RNF43: variants seen among roughly 807,000 people sequenced by gnomAD.
RNF43 encodes ring finger protein 43.
A neutral mutation model predicts 78.4 loss-of-function variants in RNF43; 37 were observed. The ratio of observed to expected loss-of-function variants is 0.47; its 90% CI spans 0.36 to 0.62. The LOEUF is 0.62. Ranked by LOEUF, RNF43 falls within the 20% of genes least tolerant of loss-of-function variation. RNF43 has a pLI of 0.00. For missense variants in RNF43, 774 were observed against 1,007.9 expected, an observed-to-expected ratio of 0.77 and a Z score of 3.14; for synonymous variants, 347 against 395.0, an observed-to-expected ratio of 0.88 and a Z score of 1.44.
At chr17:58,411,126 G>C (rs1189744663) in intron 2 of RNF43, among the ~76,000 whole-genome samples, 2 of 152,146 alleles carry the variant, frequency 1.3e-5, no homozygotes, top group African/African-American at 4.8e-5. Context: ...GTTATTATGA[G>C]AATTCAGTGA....
rs575369309 is a variant in RNF43, at chr17:58,354,395, C to T, written c.*548G>A. On this transcript the variant is annotated 3_prime_UTR_variant, in exon 10 of 10. Transcript: ENST00000407977. The stretch of plus-strand genomic sequence containing the variant: ...TAGTGCTCAGGGCTCACCTATGCTA[C>T]TGGTCCTTTTGGCAAAAAAGGAAAA... 2 of 228,536 alleles carry T rather than the reference C, an allele frequency of 8.8e-6. No homozygotes were observed. The highest frequency in any genetic ancestry group is 1.8e-5 in the Non-Finnish European group (2 of 113,252). The allele number at this position is 228,536 out of a possible 1,614,324, so 14.2% of individuals were successfully genotyped here. A position where few individuals can be genotyped will look rare whatever the true frequency, so the allele number is the denominator to read the frequency against.
Position 58,360,499 on chromosome 17 carries a change from C to G in RNF43, c.850-248G>C, listed in dbSNP as rs1567875273. On this transcript the variant is annotated intron_variant, in intron 7 of 9. Transcript: ENST00000407977. This position sits in a 1 kb window ranked among gnomAD's most constrained non-coding sequence, Gnocchi z 4.3. ...GTAAAATGAAGATAAAAAAATGAAT[C>G]TAACCCCACCCTTCATTGCCATGGG... Among the ~76,000 whole-genome samples the G allele has an allele frequency of 6.6e-6, 1 of 152,234 alleles. No homozygotes were observed. The highest frequency in any genetic ancestry group is 1.5e-5 in the Non-Finnish European group (1 of 68,044).
At chr17:58,377,576 G>T (rs554557329) in intron 2 of RNF43, among the ~76,000 whole-genome samples, 5 of 152,052 alleles carry the variant, frequency 3.3e-5, no homozygotes, top group African/African-American at 1.2e-4. Context: ...CTTAATGCTG[G>T]TCTCCCCTTA....
chr17:58,417,246 T>A lies in RNF43; in HGVS notation c.-615A>T, dbSNP rs1974145515. The A allele has an allele frequency of 6.6e-6, 1 of 152,228 alleles. No individual in the cohort carries two copies. The highest frequency in any genetic ancestry group is 6.5e-5 in the Admixed American group (1 of 15,276). 9.4% of individuals were successfully genotyped at this position (152,228 alleles called of 1,614,324 possible). ...TCAAAGGCAGAAATTTACTCCGGGATGAGAGATGCTGTCCCCTAGAACTAA... is the reference window on the plus strand; with the variant it reads ...TCAAAGGCAGAAATTTACTCCGGGAAGAGAGATGCTGTCCCCTAGAACTAA... On this transcript the variant is annotated 5_prime_UTR_variant, in exon 1 of 10. Transcript: ENST00000407977.
intron 2 of RNF43, among the ~76,000 whole-genome samples, chr17:58,414,420 A>G (rs546880014): frequency 5.2e-5 from 8 of 152,384 alleles, no homozygotes; most frequent in African/African-American, 1.9e-4. Flanking sequence ...TACAGCAAGA[A>G]GTGTTCTTTT....
chr17:58,370,205 A>C (rs1289252378), intron 3 of RNF43, among the ~76,000 whole-genome samples: 6 of 151,174 alleles, frequency 4.0e-5, no homozygotes, highest in Non-Finnish European at 8.8e-5. Flanking sequence ...AGTAGCTGGG[A>C]TTACAGGCAT....
At chr17:58,402,816 A>T (rs1183361316) in intron 2 of RNF43, 1 of 152,172 alleles carries the variant, frequency 6.6e-6, no homozygotes, top group Non-Finnish European at 1.5e-5. Context: ...ACCTGCCAAG[A>T]CCTGAGTTCA....
chr17:58,406,103 C>A (rs1186348131), intron 2 of RNF43, among the ~76,000 whole-genome samples: 1 of 152,124 alleles, frequency 6.6e-6, no homozygotes, highest in African/African-American at 2.4e-5. Context: ...ACACATGCAC[C>A]ACGTAAAGTA....
At chr17:58,377,124 G>T (rs1973220698) in intron 2 of RNF43, among the ~76,000 whole-genome samples, 1 of 152,010 alleles carries the variant, frequency 6.6e-6, no homozygotes, top group Non-Finnish European at 1.5e-5. Flanking sequence ...TCATTTACCT[G>T]TGTGACCTTG....
At chr17:58,371,834 G>C (rs1394536016) in intron 2 of RNF43, among the ~76,000 whole-genome samples, 1 of 152,220 alleles carries the variant, frequency 6.6e-6, no homozygotes, top group Non-Finnish European at 1.5e-5. Flanking sequence ...ATGACTAAAG[G>C]AGAACGTGCT....
At chr17:58,383,076 A>G (rs1158554074) in intron 2 of RNF43, among the ~76,000 whole-genome samples, 1 of 152,212 alleles carries the variant, frequency 6.6e-6, no homozygotes, top group Non-Finnish European at 1.5e-5. Flanking sequence ...TCTGCAGTGA[A>G]CTTCAGTCCC....
intron 3 of RNF43, among the ~76,000 whole-genome samples, chr17:58,366,881 A>G (rs992411643): frequency 2.6e-5 from 4 of 152,284 alleles, no homozygotes; most frequent in Admixed American, 2.6e-4. Flanking sequence ...GCTGGAGTGC[A>G]GGGGCGCAAT....
intron 2 of RNF43, among the ~76,000 whole-genome samples, chr17:58,411,423 T>G (rs1210220055): frequency 1.3e-5 from 2 of 151,998 alleles, no homozygotes; most frequent in Non-Finnish European, 2.9e-5. Flanking sequence ...CTACAAATAA[T>G]GTAAAAATGC....
Position 58,417,515 on chromosome 17 carries a change from A to T in RNF43, c.-884T>A, listed in dbSNP as rs546277203. On this transcript the variant is annotated 5_prime_UTR_variant, in exon 1 of 10. Coordinates refer to ENST00000407977, the MANE Select transcript of RNF43 (RefSeq NM_017763.6). ...ATTCCGAGTGCTTCCTTTCAGAAAG[A>T]CAATTCTGGATCAACTCCCTAGAGC... 5 of 152,332 alleles carry T rather than the reference A, an allele frequency of 3.3e-5. No individual in the cohort carries two copies. The South Asian group carries it at 1.0e-3, about 32-fold the overall frequency. 9.4% of individuals were successfully genotyped at this position (152,332 alleles called of 1,614,324 possible).
At chr17:58,403,767 T>C (rs554226429) in intron 2 of RNF43, among the ~76,000 whole-genome samples, 76 of 152,310 alleles carry the variant, frequency 5.0e-4, no homozygotes, top group Middle Eastern at 6.8e-3. Context: ...ACCCCATGGG[T>C]GAACACCCAC....
rs1056592149 is a variant in RNF43 at position 58,354,301 on chromosome 17, A to G, written c.*642T>C. 8 of 200,970 alleles carry G rather than the reference A, an allele frequency of 4.0e-5. No homozygotes were observed. Among genetic ancestry groups the G allele is most frequent in the Non-Finnish European group, 8.2e-5 (8 of 97,682 alleles). 12.4% of individuals were successfully genotyped at this position (200,970 alleles called of 1,614,324 possible). On this transcript the variant is annotated 3_prime_UTR_variant, in exon 10 of 10. Transcript: ENST00000407977. Reference sequence around the variant, plus strand: ...TTATTCTCAACCCCCAGAGGAACCAAGGCTGCTGTACCCACCTCAGGGACA... The same window carrying G: ...TTATTCTCAACCCCCAGAGGAACCAGGGCTGCTGTACCCACCTCAGGGACA...
intron 2 of RNF43, among the ~76,000 whole-genome samples, chr17:58,412,302 A>G (rs180865512): frequency 6.6e-6 from 1 of 152,282 alleles, no homozygotes. Context: ...GGGGAAAATA[A>G]TAAAATTTGG....
In RNF43 at chr17:58,358,787, C is replaced by A. The variant is rs760556127; in HGVS notation, c.989G>T (p.Arg330Leu). The change falls in exon 9 of 10, where the codon CGA becomes CTA. Residue 330 changes from arginine (R) to leucine (L), a missense_variant. Arg to Leu is a moderately radical substitution (Grantham distance 102). Transcript: ENST00000407977. The surrounding 1 kb of genome is among the most constrained non-coding windows in gnomAD (Gnocchi z 6.2). ...TCTTCGACCTGGTTCTTGGTAAGAT[C>A]GAGAGGGTCCCAGGGACTGGGAAAA... Reference protein sequence around the residue: ...DSFSQSLGPSRSYQEPGRRLH... With the variant: ...DSFSQSLGPSLSYQEPGRRLH... The A allele has an allele frequency of 6.5e-7, 1 of 1,550,282 alleles. No individual in the cohort carries two copies. Among genetic ancestry groups the A allele is most frequent in the Non-Finnish European group, 8.7e-7 (1 of 1,146,574 alleles).
chr17:58,360,695 C>T lies in RNF43; in HGVS notation c.849+88G>A. Reference sequence around the variant, plus strand: ...TGGGAAACAGATGTAGCCAGGGTACCCATACCAGCCCCTAGGCCTGCCCAC... The same window carrying T: ...TGGGAAACAGATGTAGCCAGGGTACTCATACCAGCCCCTAGGCCTGCCCAC... On this transcript the variant is annotated intron_variant, in intron 7 of 9. Coordinates refer to ENST00000407977, the MANE Select transcript of RNF43 (RefSeq NM_017763.6). The surrounding 1 kb of genome is among the most constrained non-coding windows in gnomAD (Gnocchi z 4.3). The T allele has an allele frequency of 7.3e-7, 1 of 1,378,406 alleles. No homozygotes were observed. Among genetic ancestry groups the T allele is most frequent in the Non-Finnish European group, 9.9e-7 (1 of 1,012,888 alleles). The allele number at this position is 1,378,406 out of a possible 1,614,324, so 85.4% of individuals were successfully genotyped here.
Sources: gnomAD v4.1 joint callset for allele counts (sites outside exome capture counted in the v4.1 genomes callset) on GRCh38, gnomAD v4.1.1 for gene constraint, Gnocchi (gnomAD v3.1) non-coding constraint, MANE v1.5 for transcripts, NCBI Gene and HGNC (gene_info 2026-07-23, HGNC 2026-07-21) for gene names.